Variants in UBE3A observed in about 807,000 individuals in gnomAD.
The protein encoded by UBE3A is ubiquitin protein ligase E3A.
A neutral mutation model predicts 83.4 loss-of-function variants in UBE3A; 6 were observed. The observed-to-expected ratio is 0.07, with a 90% CI of 0.04 to 0.14. The LOEUF (loss-of-function observed/expected upper bound fraction) is 0.14. Among genes scored for constraint, UBE3A ranks in the 10% least tolerant of loss-of-function variants. The probability of loss-of-function intolerance (pLI) is 1.00; values close to 1 mark genes in which losing one functional copy is unlikely to be tolerated. For synonymous variants in UBE3A, 337 were observed against 355.4 expected (o/e 0.95, Z 0.58); for missense variants, 456 against 1,036.1 (o/e 0.44, Z 7.69).
intron 1 of UBE3A, among the ~76,000 whole-genome samples, chr15:25,437,047 G>A (rs534774570): frequency 2.0e-5 from 3 of 152,130 alleles, no homozygotes; most frequent in African/African-American, 4.8e-5. Flanking sequence ...AATACACAAA[G>A]ATTGAAAATT....
chr15:25,341,624 G>A (rs1160972549), intron 11 of UBE3A, among the ~76,000 whole-genome samples: 1 of 151,086 alleles, frequency 6.6e-6, no homozygotes, highest in Non-Finnish European at 1.5e-5. Flanking sequence ...TTAGCCGGGC[G>A]TGGTGGCAGA....
intron 1 of UBE3A, among the ~76,000 whole-genome samples, chr15:25,434,631 T>C (rs773596249): frequency 6.6e-5 from 10 of 152,176 alleles, no homozygotes; most frequent in Non-Finnish European, 1.0e-4. Flanking sequence ...AAAACACTCA[T>C]ATGTCTCCAA....
intron 1 of UBE3A, among the ~76,000 whole-genome samples, chr15:25,437,411 T>C (rs1202007300): frequency 8.5e-5 from 13 of 152,212 alleles, no homozygotes; most frequent in Non-Finnish European, 1.6e-4. Flanking sequence ...CTCTGACAGG[T>C]AACTTTCAAC....
At chr15:25,339,786 A>C (rs2074420837) in intron 12 of UBE3A, 1 of 417,864 alleles carries the variant, frequency 2.4e-6, no homozygotes, top group Admixed American at 3.7e-5. Context: ...AACCATTCTA[A>C]ATAGATGATC....
At position 25,335,267 on chromosome 15, in the gene UBE3A, A is replaced by C. The variant is rs1418883753; in HGVS notation, c.*3870T>G. ...GAGGTACTTTAAATATCTGGTCATGAAGAGTATTTGAGAAATATGACAAGT... is the reference window on the plus strand; with the variant it reads ...GAGGTACTTTAAATATCTGGTCATGCAGAGTATTTGAGAAATATGACAAGT... On this transcript the variant is annotated 3_prime_UTR_variant, in exon 13 of 13. Transcript: ENST00000648336. The C allele has an allele frequency of 1.3e-5, 2 of 152,170 alleles. No homozygotes were observed. Among genetic ancestry groups the C allele is most frequent in the Non-Finnish European group, 2.9e-5 (2 of 68,052 alleles). The allele number at this position is 152,170 out of a possible 1,614,324, so 9.4% of individuals were successfully genotyped here. A position where few individuals can be genotyped will look rare whatever the true frequency, so the allele number is the denominator to read the frequency against.
At chr15:25,419,985 A>G (rs1006783423) in intron 1 of UBE3A, among the ~76,000 whole-genome samples, 1 of 152,130 alleles carries the variant, frequency 6.6e-6, no homozygotes, top group Admixed American at 6.6e-5. Flanking sequence ...AAAAGATTAG[A>G]CAAATAGAAA....
At chr15:25,367,266 T>TAAATATTTGCATATTTGTAAATATGC (rs2079433591) in intron 6 of UBE3A, among the ~76,000 whole-genome samples, 4 of 122,990 alleles carry the variant, frequency 3.3e-5, no homozygotes, top group Non-Finnish European at 5.0e-5. Flanking sequence ...TGTAAATATG[T>TAAATATTTGCATATTTGTAAATATGC]AAATATTTAC....
chr15:25,408,739 T>C, intron 3 of UBE3A: 1 of 1,439,988 alleles, frequency 6.9e-7, no homozygotes, highest in South Asian at 1.4e-5. Flanking sequence ...TCTAGAGAAA[T>C]GTTTAGTTAA....
At chr15:25,434,615 G>C (rs920985441) in intron 1 of UBE3A, among the ~76,000 whole-genome samples, 11 of 152,220 alleles carry the variant, frequency 7.2e-5, no homozygotes, top group African/African-American at 2.6e-4. Context: ...TCTATTAATA[G>C]TGTACAAAAC....
intron 1 of UBE3A, among the ~76,000 whole-genome samples, chr15:25,414,025 T>C (rs2090451247): frequency 6.6e-6 from 1 of 152,182 alleles, no homozygotes; most frequent in South Asian, 2.1e-4. Flanking sequence ...AGCACCTCTA[T>C]GCTTACAAAC....
At position 25,371,556 on chromosome 15, in the gene UBE3A, T is replaced by C. The variant is rs143484751; in HGVS notation, c.618A>G (p.Ala206=). The C allele has an allele frequency of 6.2e-7, 1 of 1,614,098 alleles. No homozygotes were observed. The highest frequency in any genetic ancestry group is 8.5e-7 in the Non-Finnish European group (1 of 1,180,040). ...SAAAMEEDSE[A]SSSRIGDSSQ... ...AGCTATCACCTATCCTTGAGGAAGATGCTTCTGAGTCTTCTTCCATAGCAG... is the reference window on the plus strand; with the variant it reads ...AGCTATCACCTATCCTTGAGGAAGACGCTTCTGAGTCTTCTTCCATAGCAG... Residue 206 remains alanine (A), a synonymous_variant, in exon 6 of 13, where the codon GCA becomes GCG. Transcript: ENST00000648336. This position sits in a 1 kb window ranked among gnomAD's most constrained non-coding sequence, Gnocchi z 5.3.
intron 5 of UBE3A, chr15:25,374,594 T>G (rs1270842269): frequency 1.3e-5 from 2 of 152,088 alleles, no homozygotes; most frequent in Non-Finnish European, 2.9e-5. Context: ...GGAAACAGAG[T>G]AGAGGTTATA....
intron 1 of UBE3A, among the ~76,000 whole-genome samples, chr15:25,427,620 A>AAAAC (rs1891728537): frequency 1.4e-5 from 2 of 147,914 alleles, no homozygotes; most frequent in Non-Finnish European, 3.0e-5. Context: ...AAAAAAAAAA[A>AAAAC]AAAAAAAAAA....
rs2073914792 is a variant in UBE3A at position 25,335,373 on chromosome 15, G to A, written c.*3764C>T. 1 of 152,298 alleles carries A rather than the reference G, an allele frequency of 6.6e-6. No individual in the cohort carries two copies. The highest frequency in any genetic ancestry group is 1.5e-5 in the Non-Finnish European group (1 of 68,098). The allele number at this position is 152,298 out of a possible 1,614,324, so 9.4% of individuals were successfully genotyped here. A position where few individuals can be genotyped will look rare whatever the true frequency, so the allele number is the denominator to read the frequency against. ...AAAGGTCAGTGAGGGGGCAATCTGT[G>A]GAGGCACTGAATGCAGAGGATATTA... On this transcript the variant is annotated 3_prime_UTR_variant, in exon 13 of 13. Transcript: ENST00000648336.
chr15:25,396,931 G>A (rs973036695), intron 4 of UBE3A, among the ~76,000 whole-genome samples: 2 of 152,096 alleles, frequency 1.3e-5, no homozygotes, highest in African/African-American at 4.8e-5. Flanking sequence ...GCATGTCAAA[G>A]TACAAACAAC....
chr15:25,382,560 C>T (rs2152902527), intron 4 of UBE3A, among the ~76,000 whole-genome samples: 1 of 150,672 alleles, frequency 6.6e-6, no homozygotes, highest in East Asian at 2.0e-4. Flanking sequence ...ACAAATGAGA[C>T]TCAAACTTAC....
rs544198701 is a variant in UBE3A at position 25,388,363 on chromosome 15, G to A, written c.63-12600C>T. Reference sequence around the variant, plus strand: ...TTCACCATATCAACAGACTAAAGAAGAAAAATCACATGACCATACCATAGA... The same window carrying A: ...TTCACCATATCAACAGACTAAAGAAAAAAAATCACATGACCATACCATAGA... On this transcript the variant is annotated intron_variant, in intron 4 of 12. Transcript: ENST00000648336. Among the ~76,000 whole-genome samples the A allele has an allele frequency of 6.6e-5, 10 of 152,190 alleles. No homozygotes were observed. The East Asian group carries it at 1.9e-3, about 29-fold the overall frequency.
chr15:25,419,702 T>C (rs1410388445), intron 1 of UBE3A, among the ~76,000 whole-genome samples: 1 of 152,114 alleles, frequency 6.6e-6, no homozygotes, highest in African/African-American at 2.4e-5. Context: ...AACGCTGCTG[T>C]GGAATCTATA....
rs547742138 is a variant in UBE3A at position 25,371,885 on chromosome 15, A to C, written c.362-73T>G. 2.8e-6 allele frequency: 4 copies of C among 1,449,772 alleles called. No individual in the cohort carries two copies. The highest frequency in any genetic ancestry group is 3.7e-6 in the Non-Finnish European group (4 of 1,076,552). 89.8% of individuals were successfully genotyped at this position (1,449,772 alleles called of 1,614,324 possible). On this transcript the variant is annotated intron_variant, in intron 5 of 12. Coordinates refer to ENST00000648336, the MANE Select transcript of UBE3A (RefSeq NM_130839.5). This position sits in a 1 kb window ranked among gnomAD's most constrained non-coding sequence, Gnocchi z 5.3. ...TGTTTACTCTGTTGCAAAAAGTTCT[A>C]AAAGTAAAACAGCCAAACATTCTAG...
Sources: gnomAD v4.1 joint callset for allele counts (sites outside exome capture counted in the v4.1 genomes callset) on GRCh38, gnomAD v4.1.1 for gene constraint, Gnocchi (gnomAD v3.1) non-coding constraint, MANE v1.5 for transcripts, NCBI Gene and HGNC (gene_info 2026-07-23, HGNC 2026-07-21) for gene names.